The following CACNA1H variants were observed in gnomAD, a reference collection of about 807,000 sequenced individuals.
The protein encoded by CACNA1H is calcium voltage-gated channel subunit alpha1 H, also known as voltage-dependent T-type calcium channel subunit alpha-1H.
Under a neutral mutation model 192.5 loss-of-function variants are expected in CACNA1H, and 149 were observed. That is an observed-to-expected ratio of 0.77 (90% CI 0.68 to 0.89). CACNA1H has a LOEUF of 0.89. Among genes scored for constraint, CACNA1H ranks in the 40% least tolerant of loss-of-function variants. The pLI is 0.00. For synonymous variants in CACNA1H, 2,202 were observed against 1,475.2 expected (o/e 1.49, Z -11.29); for missense variants, 4,257 against 3,423.5 (o/e 1.24, Z -6.08).
chr16:1,153,508 C>T, intron 1 of CACNA1H, 38 bp downstream of exon 1: 1 of 274,278 alleles, frequency 3.6e-6, no homozygotes, highest in Non-Finnish European at 6.6e-6. Flanking sequence ...GGACCCTCTT[C>T]AACTTGCGCG....
In CACNA1H at chr16:1,209,196, C is replaced by T. The variant is rs1408480677; in HGVS notation, c.3528C>T (p.Asp1176=). Reference sequence around the variant, plus strand: ...CTGGCGAGGGCAAGGGCAGCACCGACGACGAAGCTGAGGACGGCAGGGCCG... The same window carrying T: ...CTGGCGAGGGCAAGGGCAGCACCGATGACGAAGCTGAGGACGGCAGGGCCG... The part of the protein sequence containing the change: ...LLSGEGKGST[D]DEAEDGRAAP... Residue 1176 remains aspartate, a synonymous_variant, in exon 17 of 35, where the codon GAC becomes GAT. Coordinates refer to ENST00000348261, the MANE Select transcript of CACNA1H (RefSeq NM_021098.3). 7 of 1,552,006 alleles carry T rather than the reference C, an allele frequency of 4.5e-6. No homozygotes were observed. The highest frequency in any genetic ancestry group is 1.7e-4 in the Middle Eastern group (1 of 6,016).
At chr16:1,211,457 G>T in intron 22 of CACNA1H, 24 bp from the exon 23 acceptor site, 1 of 1,612,274 alleles carries the variant, frequency 6.2e-7, no homozygotes, top group Admixed American at 1.7e-5. Context: ...CAGGCCCTCC[G>T]CGGTGACCGT....
chr16:1,219,620 A>G (rs1296064039), intron 34 of CACNA1H, among the ~76,000 whole-genome samples: 1 of 152,174 alleles, frequency 6.6e-6, no homozygotes, highest in Non-Finnish European at 1.5e-5. Context: ...TGCCCAGTAC[A>G]AGACGCCTGT....
intron 2 of CACNA1H, among the ~76,000 whole-genome samples, chr16:1,159,332 C>T (rs111480395): frequency 1.3e-5 from 2 of 151,982 alleles, no homozygotes; most frequent in East Asian, 1.9e-4. Context: ...AGGAGGCGTT[C>T]GGACTGAGAC....
In CACNA1H at chr16:1,195,322, G is replaced by A. The variant is rs994293172; in HGVS notation, c.412-110G>A. 1.1e-3 allele frequency: 1,541 copies of A among 1,412,274 alleles called. 1 individual carries two copies. The highest frequency in any genetic ancestry group is 1.4e-3 in the Non-Finnish European group (1,463 of 1,044,954). 87.5% of individuals were successfully genotyped at this position (1,412,274 alleles called of 1,614,324 possible). A position where few individuals can be genotyped will look rare whatever the true frequency, so the allele number is the denominator to read the frequency against. ...CTGGGGCTCAGGGCGGGGCAGGGGC[G>A]GGGCGAGGGGTGTGGCAAGACTGGG... On this transcript the variant is annotated intron_variant, in intron 3 of 34. Transcript: ENST00000348261.
At chr16:1,208,884 C>T (rs1969081543) in intron 16 of CACNA1H, 148 bp from the exon 17 acceptor site, 2 of 864,092 alleles carry the variant, frequency 2.3e-6, no homozygotes, top group Middle Eastern at 3.6e-4. Flanking sequence ...TCGGTGTCCC[C>T]CTAAAATCAC....
At chr16:1,212,454 C>T (rs1969568014) in intron 25 of CACNA1H, 57 bp from the exon 26 acceptor site, 3 of 1,546,750 alleles carry the variant, frequency 1.9e-6, no homozygotes, top group Non-Finnish European at 2.7e-6. Context: ...GCAGGGAGGG[C>T]TCCAGGCCCG....
chr16:1,188,780 G>A (rs1030402180), intron 2 of CACNA1H, among the ~76,000 whole-genome samples: 6 of 152,184 alleles, frequency 3.9e-5, no homozygotes, highest in East Asian at 1.9e-4. Context: ...CCAGGAGGCC[G>A]CTTCCTCGCC....
In CACNA1H at chr16:1,208,063, C is replaced by T. The variant is rs780350191; in HGVS notation, c.3205C>T (p.Arg1069Ter). The T allele has an allele frequency of 2.5e-6, 4 of 1,605,868 alleles. No homozygotes were observed. Among genetic ancestry groups the T allele is most frequent in the Non-Finnish European group, 3.4e-6 (4 of 1,177,260 alleles). ...AVTPNGHLEG[R>*]GSLSPPLIMC... ...GACCCCCAACGGGCACCTGGAGGGA[C>T]GAGGCAGCCTGTCCCCTCCCCTCAT... Residue 1069 changes from arginine to a stop codon, truncating the protein, a stop_gained, in exon 16 of 35, where the codon CGA becomes TGA. Coordinates refer to ENST00000348261, the MANE Select transcript of CACNA1H (RefSeq NM_021098.3). LOFTEE classifies it high-confidence loss of function.
chr16:1,196,069 G>A (rs534981086), intron 5 of CACNA1H, 46 bp downstream of exon 5: 2 of 1,461,724 alleles, frequency 1.4e-6, no homozygotes, highest in Non-Finnish European at 1.9e-6. Context: ...AGGCTTGCGT[G>A]TCCGCCAGCC....
In CACNA1H at chr16:1,216,935, G is replaced by T; in HGVS notation, c.5248G>T (p.Gly1750Trp). ...GCTCTGCTTCTCTCTTGTGTAGGTG[G>T]GGAACCTGGGCCTTCTTTTCATGCT... ...DTVVQALPQV[G>W]NLGLLFMLLF... Residue 1750 changes from glycine (G) to tryptophan (W), a missense_variant, in exon 31 of 35, where the codon GGG (glycine) becomes TGG (tryptophan). Physicochemically the swap from Gly to Trp is radical, Grantham distance 184. Transcript: ENST00000348261. 1 of 1,601,874 alleles carries T rather than the reference G, an allele frequency of 6.2e-7. No individual in the cohort carries two copies. Among genetic ancestry groups the T allele is most frequent in the Non-Finnish European group, 8.5e-7 (1 of 1,174,362 alleles).
intron 2 of CACNA1H, among the ~76,000 whole-genome samples, chr16:1,188,343 C>T (rs904487443): frequency 3.3e-5 from 5 of 152,202 alleles, no homozygotes; most frequent in Admixed American, 6.5e-5. Flanking sequence ...TGTCCCTACC[C>T]AGGACCCTGG....
intron 2 of CACNA1H, among the ~76,000 whole-genome samples, chr16:1,185,593 G>C (rs1205115498): frequency 1.2e-5 from 1 of 81,004 alleles, no homozygotes; most frequent in Admixed American, 1.1e-4. Context: ...GTGAGTAGAC[G>C]GTCAGCGTGC....
intron 2 of CACNA1H, among the ~76,000 whole-genome samples, chr16:1,155,744 G>A (rs1478171434): frequency 6.6e-6 from 1 of 152,186 alleles, no homozygotes; most frequent in Admixed American, 6.5e-5. Context: ...TTCTGGGCTG[G>A]CTGTGTGTCT....
chr16:1,209,529 G>A lies in CACNA1H; in HGVS notation c.3744+117G>A, dbSNP rs1412500638. 3.8e-6 allele frequency: 5 copies of A among 1,304,424 alleles called. No individual in the cohort carries two copies. The African/African-American group carries it at 5.8e-5, about 15-fold the overall frequency. 80.8% of individuals were successfully genotyped at this position (1,304,424 alleles called of 1,614,324 possible). On this transcript the variant is annotated intron_variant, in intron 17 of 34. Transcript: ENST00000348261. ...TGTTGTTGACTGAGGGGATTCAGAA[G>A]GGGAGAGAAGCAGGCCAGGCCAGGG...
At chr16:1,179,415 G>A (rs979944960) in intron 2 of CACNA1H, among the ~76,000 whole-genome samples, 3 of 152,166 alleles carry the variant, frequency 2.0e-5, no homozygotes, top group Non-Finnish European at 4.4e-5. Flanking sequence ...AGAGCCGACC[G>A]AGCCGCTGCT....
At chr16:1,190,171 C>T (rs895333711) in intron 2 of CACNA1H, among the ~76,000 whole-genome samples, 1 of 152,238 alleles carries the variant, frequency 6.6e-6, no homozygotes, top group Non-Finnish European at 1.5e-5. Context: ...GTTCCCTGAC[C>T]GTTCTGCCGC....
intron 2 of CACNA1H, among the ~76,000 whole-genome samples, chr16:1,181,823 C>T (rs1306986219): frequency 1.3e-5 from 2 of 152,080 alleles, no homozygotes; most frequent in Non-Finnish European, 2.9e-5. Context: ...GTGGGGTGAG[C>T]CCGGCCCATG....
In CACNA1H at chr16:1,207,864, C is replaced by A. The variant is rs775520795; in HGVS notation, c.3154+4C>A. ...CTCAGAGAACTCCAGACCACAGGTG[C>A]GTGTGGTCGGTGGGTGGTCCGGGTT... On this transcript the variant is annotated splice_donor_region_variant and intron_variant, in intron 15 of 34. Coordinates refer to ENST00000348261, the MANE Select transcript of CACNA1H (RefSeq NM_021098.3). 1.3e-6 allele frequency: 2 copies of A among 1,583,802 alleles called. No homozygotes were observed. Among genetic ancestry groups the A allele is most frequent in the East Asian group, 2.3e-5 (1 of 42,948 alleles).
Sources: gnomAD v4.1 joint callset for allele counts (sites outside exome capture counted in the v4.1 genomes callset) on GRCh38, gnomAD v4.1.1 for gene constraint, MANE v1.5 for transcripts, NCBI Gene and HGNC (gene_info 2026-07-23, HGNC 2026-07-21) for gene names.